PPFIA1: variants seen among roughly 807,000 people sequenced by gnomAD.
PPFIA1 encodes the protein PPFI scaffold protein A1.
PPFIA1 carries 25 observed loss-of-function variants against 149.9 expected under a neutral mutation model. That is an observed-to-expected ratio of 0.17 (90% confidence interval 0.12 to 0.23). The LOEUF (loss-of-function observed/expected upper bound fraction) is 0.23. Among genes scored for constraint, PPFIA1 ranks in the 10% least tolerant of loss-of-function variants. PPFIA1 has a pLI of 1.00. For synonymous variants in PPFIA1, 549 were observed against 552.8 expected (o/e 0.99, Z 0.10); for missense variants, 1,362 against 1,506.5 (o/e 0.90, Z 1.59).
intron 16 of PPFIA1, among the ~76,000 whole-genome samples, chr11:70,352,930 C>G (rs66627443): frequency 0.18 from 26,859 of 151,860 alleles, 3,114 homozygotes; most frequent in African/African-American, 0.32. Context: ...TTTCTCTGTA[C>G]TCTGTTTTTG....
chr11:70,309,647 T>C (rs1051324150), intron 2 of PPFIA1, among the ~76,000 whole-genome samples: 4 of 149,812 alleles, frequency 2.7e-5, no homozygotes, highest in African/African-American at 9.8e-5. Flanking sequence ...AAAAAAAAAG[T>C]TTTCCAAAAA....
intron 2 of PPFIA1, among the ~76,000 whole-genome samples, chr11:70,275,110 T>C (rs1222163567): frequency 1.3e-5 from 2 of 152,180 alleles, no homozygotes; most frequent in Admixed American, 1.3e-4. Flanking sequence ...TTGGTATTGT[T>C]GGGTCTTTAC....
chr11:70,276,916 G>T (rs1187341965), intron 2 of PPFIA1, among the ~76,000 whole-genome samples: 1 of 148,846 alleles, frequency 6.7e-6, no homozygotes, highest in African/African-American at 2.5e-5. Flanking sequence ...TTGGGGGTTT[G>T]TCAATTTTGT....
chr11:70,322,288 TAA>T (rs2053989744), intron 2 of PPFIA1, among the ~76,000 whole-genome samples: 1 of 152,234 alleles, frequency 6.6e-6, no homozygotes, highest in African/African-American at 2.4e-5. Context: ...AGTGTTTCGT[TAA>T]AGTTAGCCAT....
At chr11:70,339,847 T>C (rs950535743) in intron 14 of PPFIA1, among the ~76,000 whole-genome samples, 1 of 152,046 alleles carries the variant, frequency 6.6e-6, no homozygotes, top group African/African-American at 2.4e-5. Flanking sequence ...AAACCCCGTC[T>C]CTACTAAAAA....
chr11:70,348,515 T>C, intron 16 of PPFIA1, 95 bp downstream of exon 16: 2 of 1,021,052 alleles, frequency 2.0e-6, no homozygotes, highest in Non-Finnish European at 2.9e-6. Context: ...ATCAAGTACA[T>C]TCGTTATTCT....
chr11:70,356,551 C>T (rs1260967853), intron 19 of PPFIA1, among the ~76,000 whole-genome samples: 1 of 152,172 alleles, frequency 6.6e-6, no homozygotes, highest in Non-Finnish European at 1.5e-5. Context: ...TGCCCAGGTT[C>T]ACTTTGTGAC....
rs1040514691 is a variant in PPFIA1, at chr11:70,270,724, C to T, written c.-191C>T. ...CGCCGCGCAGCCGGGCCCGCTCCTC[C>T]TCCGCTCCGCCAGTGTCCGGCCGCG... On this transcript the variant is annotated 5_prime_UTR_variant, in exon 1 of 28. Transcript: ENST00000253925. 3.3e-5 allele frequency: 5 copies of T among 151,120 alleles called. No individual in the cohort carries two copies. The highest frequency in any genetic ancestry group is 2.1e-4 in the South Asian group (1 of 4,830). 9.4% of individuals were successfully genotyped at this position (151,120 alleles called of 1,614,324 possible).
chr11:70,376,501 A>G, intron 24 of PPFIA1, 31 bp from the exon 25 acceptor site: 3 of 1,584,832 alleles, frequency 1.9e-6, no homozygotes, highest in Non-Finnish European at 2.6e-6. Flanking sequence ...ATTTGATGAA[A>G]GTTTTATTTG....
At chr11:70,360,105 G>T (rs2056562215) in intron 19 of PPFIA1, among the ~76,000 whole-genome samples, 1 of 152,248 alleles carries the variant, frequency 6.6e-6, no homozygotes, top group East Asian at 1.9e-4. Context: ...CCCAGATGGG[G>T]TCTCCTCTGC....
intron 2 of PPFIA1, among the ~76,000 whole-genome samples, chr11:70,291,424 A>G (rs944949432): frequency 6.6e-6 from 1 of 152,210 alleles, no homozygotes; most frequent in African/African-American, 2.4e-5. Context: ...ATTAAGTGTG[A>G]GATCCCATTG....
At chr11:70,295,631 G>A (rs1286922782) in intron 2 of PPFIA1, among the ~76,000 whole-genome samples, 5 of 141,480 alleles carry the variant, frequency 3.5e-5, no homozygotes, top group Admixed American at 2.1e-4. Flanking sequence ...CAGTAGGGGC[G>A]GCCGGGCAGA....
At chr11:70,273,794 A>G (rs2050233775) in intron 2 of PPFIA1, among the ~76,000 whole-genome samples, 5 of 152,214 alleles carry the variant, frequency 3.3e-5, no homozygotes, top group Admixed American at 2.0e-4. Context: ...TACAATTTTA[A>G]AAGAAGTAGC....
intron 7 of PPFIA1, among the ~76,000 whole-genome samples, chr11:70,329,082 G>A (rs532636941): frequency 6.6e-6 from 1 of 152,174 alleles, no homozygotes; most frequent in South Asian, 2.1e-4. Context: ...TCTTGTAATT[G>A]TATGAGAGTT....
At chr11:70,361,961 G>C (rs1363726292) in intron 19 of PPFIA1, 134 bp from the exon 20 acceptor site, 27 of 744,860 alleles carry the variant, frequency 3.6e-5, no homozygotes, top group South Asian at 2.8e-4. Context: ...GGGTCTCGCT[G>C]TGTTGTCTAG....
At chr11:70,320,822 TTG>T (rs1315847800) in intron 2 of PPFIA1, among the ~76,000 whole-genome samples, 1 of 152,150 alleles carries the variant, frequency 6.6e-6, no homozygotes, top group African/African-American at 2.4e-5. Flanking sequence ...CTACTGGCAG[TTG>T]TGGTCCTAGG....
At chr11:70,379,725 AAAAAT>A (rs1324416684) in intron 26 of PPFIA1, among the ~76,000 whole-genome samples, 1 of 152,210 alleles carries the variant, frequency 6.6e-6, no homozygotes, top group African/African-American at 2.4e-5. Flanking sequence ...TCACCTGTAT[AAAAAT>A]AAAAAGAAAA....
chr11:70,324,637 T>G, intron 3 of PPFIA1, 134 bp downstream of exon 3: 2 of 896,816 alleles, frequency 2.2e-6, no homozygotes, highest in Non-Finnish European at 3.5e-6. Flanking sequence ...CTGAGCAGAC[T>G]GTGATTAGTC....
intron 19 of PPFIA1, among the ~76,000 whole-genome samples, chr11:70,359,969 A>G (rs1466415141): frequency 6.6e-6 from 1 of 152,186 alleles, no homozygotes; most frequent in African/African-American, 2.4e-5. Flanking sequence ...CAGAGAAAAC[A>G]GGGGCTCTGG....
Sources: allele counts gnomAD v4.1 joint callset (sites outside exome capture counted in the v4.1 genomes callset), GRCh38; gene constraint gnomAD v4.1.1; transcripts MANE v1.5; gene names NCBI Gene and HGNC (gene_info 2026-07-23, HGNC 2026-07-21).